Variants in PIK3C3 observed in about 807,000 individuals in gnomAD.
PIK3C3 encodes PI3-kinase type 3.
In PIK3C3, 95 loss-of-function variants were observed where a neutral mutation model predicts 126.1. The observed-to-expected ratio is 0.75, with a 90% CI of 0.64 to 0.89. The LOEUF (loss-of-function observed/expected upper bound fraction) is 0.89, where lower values mean the gene tolerates loss of function less well. Ranked by LOEUF, PIK3C3 falls within the 40% of genes least tolerant of loss-of-function variation. The pLI is 0.00. For missense variants in PIK3C3, 829 were observed against 1,063.2 expected (o/e 0.78, Z 3.06); for synonymous variants, 374 against 360.0 (o/e 1.04, Z -0.44).
At chr18:42,058,804 A>G (rs1229853587) in intron 22 of PIK3C3, among the ~76,000 whole-genome samples, 3 of 152,240 alleles carry the variant, frequency 2.0e-5, no homozygotes, top group Non-Finnish European at 2.9e-5. Flanking sequence ...TTATTAGTCA[A>G]AAATGACAGG....
chr18:42,020,710 G>A lies in PIK3C3; in HGVS notation c.1484+5G>A, dbSNP rs760889474. ...ACTGGCTAATTATTTATACTGGTAT[G>A]TAAAAATAATTTTCTGTTTATTTTC... On this transcript the variant is annotated splice_donor_5th_base_variant and intron_variant, in intron 13 of 24. Transcript: ENST00000262039. The A allele has an allele frequency of 1.3e-6, 2 of 1,522,872 alleles. No individual in the cohort carries two copies. The highest frequency in any genetic ancestry group is 1.4e-5 in the African/African-American group (1 of 72,602). 94.3% of individuals were successfully genotyped at this position (1,522,872 alleles called of 1,614,324 possible). A position where few individuals can be genotyped will look rare whatever the true frequency, so the allele number is the denominator to read the frequency against.
chr18:42,047,813 C>T (rs1471354618), intron 20 of PIK3C3, among the ~76,000 whole-genome samples: 4 of 152,150 alleles, frequency 2.6e-5, no homozygotes, highest in African/African-American at 9.7e-5. Flanking sequence ...ATTTAATAAG[C>T]TTTCAAGTGA....
intron 24 of PIK3C3, among the ~76,000 whole-genome samples, chr18:42,079,950 T>A (rs1408960898): frequency 2.1e-3 from 91 of 43,024 alleles, no homozygotes; most frequent in Admixed American, 6.1e-3. Context: ...CTTTTGAGTG[T>A]GTGTGTGTGT....
chr18:41,973,071 C>CT (rs1980746260), intron 4 of PIK3C3, among the ~76,000 whole-genome samples: 1 of 151,952 alleles, frequency 6.6e-6, no homozygotes, highest in Admixed American at 6.6e-5. Flanking sequence ...TCTCATGTAG[C>CT]TCTTTAATTG....
intron 11 of PIK3C3, among the ~76,000 whole-genome samples, chr18:42,015,205 T>TAAACAAACAAAC (rs113923091): frequency 5.3e-5 from 8 of 151,698 alleles, no homozygotes; most frequent in African/African-American, 1.9e-4. Flanking sequence ...TAAATGGGCT[T>TAAACAAACAAAC]AAACAAACAA....
chr18:41,994,707 A>G (rs907605932), intron 7 of PIK3C3, among the ~76,000 whole-genome samples: 4 of 152,104 alleles, frequency 2.6e-5, no homozygotes, highest in Non-Finnish European at 5.9e-5. Flanking sequence ...CATACATAGG[A>G]ATAAACTCCA....
intron 3 of PIK3C3, among the ~76,000 whole-genome samples, chr18:41,967,722 A>T (rs925154799): frequency 1.3e-5 from 2 of 152,226 alleles, no homozygotes; most frequent in African/African-American, 4.8e-5. Context: ...CAAAGTAGCT[A>T]AAGAATGGAT....
chr18:42,067,552 C>A, intron 24 of PIK3C3, 39 bp downstream of exon 24: 2 of 1,609,868 alleles, frequency 1.2e-6, no homozygotes, highest in South Asian at 2.2e-5. Context: ...CTCACCTTCT[C>A]CGTGTACTGC....
chr18:42,041,485 G>C (rs1984315701), intron 19 of PIK3C3, among the ~76,000 whole-genome samples: 1 of 138,200 alleles, frequency 7.2e-6, no homozygotes, highest in East Asian at 2.3e-4. Flanking sequence ...TATATGTTTG[G>C]ATTTTTTTTT....
intron 9 of PIK3C3, among the ~76,000 whole-genome samples, chr18:41,997,799 T>TA (rs113437602): frequency 1.1e-4 from 17 of 152,224 alleles, no homozygotes; most frequent in African/African-American, 4.1e-4. Context: ...TGCCTCTTGA[T>TA]ATGCTTGCAT....
intron 4 of PIK3C3, among the ~76,000 whole-genome samples, chr18:41,976,672 T>C (rs1980937794): frequency 6.6e-6 from 1 of 152,202 alleles, no homozygotes; most frequent in African/African-American, 2.4e-5. Context: ...TTGTGAAGAC[T>C]AAGTGTAAAT....
At chr18:42,062,363 C>T (rs1365044759) in intron 22 of PIK3C3, among the ~76,000 whole-genome samples, 1 of 151,964 alleles carries the variant, frequency 6.6e-6, no homozygotes, top group East Asian at 1.9e-4. Context: ...CTGTGGCCCC[C>T]AGGCCACATG....
chr18:42,079,998 A>AGT (rs71174081), intron 24 of PIK3C3, among the ~76,000 whole-genome samples: 2,708 of 137,340 alleles, frequency 0.02, 32 homozygotes, highest in Middle Eastern at 0.064. Flanking sequence ...TAAGAGAGAG[A>AGT]GTGTGTGTGT....
intron 12 of PIK3C3, 64 bp from the exon 13 acceptor site, chr18:42,020,574 T>G: frequency 9.7e-7 from 1 of 1,035,648 alleles, no homozygotes; most frequent in Non-Finnish European, 1.5e-6. Context: ...AAATGTAAAC[T>G]TACTTATTTT....
At chr18:42,025,049 T>C (rs1341476695) in intron 13 of PIK3C3, among the ~76,000 whole-genome samples, 4 of 151,652 alleles carry the variant, frequency 2.6e-5, no homozygotes, top group Non-Finnish European at 4.4e-5. Flanking sequence ...CCTGACCTCA[T>C]GATCCGCCCA....
intron 24 of PIK3C3, among the ~76,000 whole-genome samples, chr18:42,080,136 T>C (rs1329994487): frequency 6.6e-6 from 1 of 152,164 alleles, no homozygotes; most frequent in African/African-American, 2.4e-5. Flanking sequence ...AATAAACATA[T>C]GTGGTTTTAT....
intron 3 of PIK3C3, among the ~76,000 whole-genome samples, chr18:41,966,474 G>A (rs1174479893): frequency 6.6e-6 from 1 of 151,914 alleles, no homozygotes; most frequent in African/African-American, 2.4e-5. Flanking sequence ...CTGGCCTATT[G>A]TTCTTTACTT....
At chr18:42,003,555 G>A (rs1982394317) in intron 9 of PIK3C3, among the ~76,000 whole-genome samples, 1 of 152,160 alleles carries the variant, frequency 6.6e-6, no homozygotes, top group Non-Finnish European at 1.5e-5. Context: ...GGGATTACAG[G>A]CATGAGCCAC....
chr18:42,033,743 G>T, intron 15 of PIK3C3, 83 bp from the exon 16 acceptor site: 1 of 1,021,908 alleles, frequency 9.8e-7, no homozygotes, highest in Non-Finnish European at 1.4e-6. Context: ...TAAGTTAATG[G>T]AATCAATTTT....
Sources: allele counts gnomAD v4.1 joint callset (sites outside exome capture counted in the v4.1 genomes callset), GRCh38; gene constraint gnomAD v4.1.1; transcripts MANE v1.5; gene names NCBI Gene and HGNC (gene_info 2026-07-23, HGNC 2026-07-21).